The following MME variants were observed in gnomAD, a reference collection of about 807,000 sequenced individuals.
MME encodes the protein neprilysin.
A neutral mutation model predicts 113.2 loss-of-function variants in MME; 98 were observed. The observed-to-expected ratio is 0.87, with a 90% CI of 0.74 to 1.02. The LOEUF (loss-of-function observed/expected upper bound fraction) is 1.02, where lower values mean the gene tolerates loss of function less well. MME is among the 50% of genes least tolerant of loss of function. The probability of loss-of-function intolerance (pLI) is 0.00; values close to 1 mark genes in which losing one functional copy is unlikely to be tolerated. For missense variants in MME, 836 were observed against 896.0 expected, an observed-to-expected ratio of 0.93 and a Z score of 0.86; for synonymous variants, 292 against 300.6, an observed-to-expected ratio of 0.97 and a Z score of 0.30.
intron 20 of MME, among the ~76,000 whole-genome samples, chr3:155,169,116 T>A (rs1711629883): frequency 6.6e-6 from 1 of 152,152 alleles, no homozygotes; most frequent in Non-Finnish European, 1.5e-5. Context: ...TCTGGAATAA[T>A]TTTTTTAGAA....
intron 7 of MME, among the ~76,000 whole-genome samples, chr3:155,117,634 T>C (rs1718738835): frequency 6.7e-6 from 1 of 149,228 alleles, no homozygotes; most frequent in Non-Finnish European, 1.5e-5. Context: ...TGTAAGAAAT[T>C]ATACAAAAAA....
chr3:155,161,236 A>C (rs1312005980), intron 17 of MME, among the ~76,000 whole-genome samples: 2 of 152,072 alleles, frequency 1.3e-5, no homozygotes, highest in African/African-American at 4.8e-5. Context: ...TAGCATTAGA[A>C]AGGTACTCAA....
chr3:155,137,050 C>T (rs1362097929), intron 8 of MME, among the ~76,000 whole-genome samples: 2 of 152,144 alleles, frequency 1.3e-5, no homozygotes, highest in Non-Finnish European at 2.9e-5. Context: ...CCACTGTGAA[C>T]TTGAATGAGG....
intron 3 of MME, among the ~76,000 whole-genome samples, chr3:155,098,420 G>A (rs1346353023): frequency 3.3e-5 from 5 of 152,014 alleles, no homozygotes; most frequent in Admixed American, 1.3e-4. Context: ...GCTGGGCGTG[G>A]TGGTGCCCGC....
intron 1 of MME, among the ~76,000 whole-genome samples, chr3:155,043,849 C>A (rs1214787404): frequency 6.6e-6 from 1 of 152,000 alleles, no homozygotes; most frequent in Non-Finnish European, 1.5e-5. Flanking sequence ...CCTTGCTATA[C>A]TTACATGTTT....
At chr3:155,028,977 A>C (rs1464180830) in intron 1 of MME, among the ~76,000 whole-genome samples, 1 of 152,222 alleles carries the variant, frequency 6.6e-6, no homozygotes, top group Non-Finnish European at 1.5e-5. Context: ...AAATAAGTCA[A>C]TCATTTAGCC....
At chr3:155,126,542 TG>T (rs980042199) in intron 8 of MME, among the ~76,000 whole-genome samples, 7 of 152,112 alleles carry the variant, frequency 4.6e-5, no homozygotes, top group Non-Finnish European at 1.0e-4. Flanking sequence ...TAACCTGTAG[TG>T]TTTTTTTTTA....
intron 1 of MME, among the ~76,000 whole-genome samples, chr3:155,038,723 G>T (rs1713210285): frequency 6.6e-6 from 1 of 152,044 alleles, no homozygotes; most frequent in Admixed American, 6.6e-5. Flanking sequence ...ACAATTTCGT[G>T]TATAGAAGAC....
At chr3:155,149,921 T>C (rs1276961121) in intron 16 of MME, among the ~76,000 whole-genome samples, 1 of 152,174 alleles carries the variant, frequency 6.6e-6, no homozygotes, top group Non-Finnish European at 1.5e-5. Flanking sequence ...TTATAGAATG[T>C]TTAGTGTCCC....
rs1319887557 is a variant in MME, at chr3:155,172,732, T to TC, written c.2153+120_2153+121insC. ...ATTTGGAAATTCAGTGCTTTTTTTTTTTTTTGAGAGTCAAAGGTAGGATCG... is the reference window on the plus strand; with the variant it reads ...ATTTGGAAATTCAGTGCTTTTTTTTTCTTTTTGAGAGTCAAAGGTAGGATCG... On this transcript the variant is annotated intron_variant, in intron 22 of 22. Coordinates refer to ENST00000360490, the MANE Select transcript of MME (RefSeq NM_007289.4). 13 of 786,114 alleles carry TC rather than the reference T, an allele frequency of 1.7e-5. No individual in the cohort carries two copies. In the African/African-American group the frequency reaches 1.9e-4, roughly 12 times the overall value. 48.7% of individuals were successfully genotyped at this position (786,114 alleles called of 1,614,324 possible).
At chr3:155,151,032 G>A (rs1022346598) in intron 16 of MME, among the ~76,000 whole-genome samples, 15 of 151,844 alleles carry the variant, frequency 9.9e-5, no homozygotes, top group African/African-American at 2.7e-4. Context: ...CTGTAATCGC[G>A]CCACTGCAGT....
chr3:155,104,195 G>C (rs1049436188), intron 3 of MME, among the ~76,000 whole-genome samples: 7 of 152,228 alleles, frequency 4.6e-5, no homozygotes, highest in Admixed American at 3.9e-4. Context: ...AGAGTGTCGG[G>C]TATATAGAGG....
chr3:155,119,356 G>A (rs1718900756), intron 8 of MME, among the ~76,000 whole-genome samples: 1 of 151,220 alleles, frequency 6.6e-6, no homozygotes, highest in East Asian at 1.9e-4. Flanking sequence ...ATGTTCTGGA[G>A]TGCTTTCTTA....
rs1210030550 is a variant in MME, at chr3:155,116,998, T to C, written c.654+12T>C. On this transcript the variant is annotated intron_variant, in intron 7 of 22. Transcript: ENST00000360490. ...ATCATGTAATTCATGTAAGTTTGTGTGTCAAATAACTAAAGTTACCTTTAA... is the reference window on the plus strand; with the variant it reads ...ATCATGTAATTCATGTAAGTTTGTGCGTCAAATAACTAAAGTTACCTTTAA... 2 of 1,399,096 alleles carry C rather than the reference T, an allele frequency of 1.4e-6. No homozygotes were observed. Among genetic ancestry groups the C allele is most frequent in the South Asian group, 1.2e-5 (1 of 86,494 alleles). The allele number at this position is 1,399,096 out of a possible 1,614,324, so 86.7% of individuals were successfully genotyped here.
intron 20 of MME, among the ~76,000 whole-genome samples, chr3:155,171,442 T>C (rs1357707882): frequency 6.6e-6 from 1 of 152,200 alleles, no homozygotes; most frequent in African/African-American, 2.4e-5. Flanking sequence ...TTATTATGAA[T>C]TCGTTTTAAA....
intron 3 of MME, among the ~76,000 whole-genome samples, chr3:155,092,094 T>C (rs1023374781): frequency 6.6e-6 from 1 of 151,746 alleles, no homozygotes; most frequent in African/African-American, 2.4e-5. Flanking sequence ...CTGCCTCTTG[T>C]TTTATCTAGG....
intron 12 of MME, 32 bp downstream of exon 12, chr3:155,142,362 T>G: frequency 6.5e-7 from 1 of 1,526,914 alleles, no homozygotes; most frequent in Non-Finnish European, 9.1e-7. Flanking sequence ...TCTTAAGACT[T>G]AAAGCATAAA....
chr3:155,162,300 G>C (rs1038075778), intron 17 of MME, among the ~76,000 whole-genome samples: 18 of 152,086 alleles, frequency 1.2e-4, no homozygotes, highest in Non-Finnish European at 2.1e-4. Flanking sequence ...CTCCAAATTG[G>C]CCCACTTCAG....
At chr3:155,054,187 T>G (rs1393047081) in intron 1 of MME, among the ~76,000 whole-genome samples, 4 of 152,260 alleles carry the variant, frequency 2.6e-5, no homozygotes, top group African/African-American at 7.2e-5. Context: ...TATTTTCCTA[T>G]ATGATGGATT....
Sources: allele counts gnomAD v4.1 joint callset (sites outside exome capture counted in the v4.1 genomes callset), GRCh38; gene constraint gnomAD v4.1.1; transcripts MANE v1.5; gene names NCBI Gene and HGNC (gene_info 2026-07-23, HGNC 2026-07-21).